SPCS2: variants seen among roughly 807,000 people sequenced by gnomAD.
The protein encoded by SPCS2 is SPase 25 kDa subunit.
A neutral mutation model predicts 22.3 loss-of-function variants in SPCS2; 3 were observed. That is an observed-to-expected ratio of 0.13 (90% confidence interval 0.06 to 0.35). SPCS2 has a LOEUF of 0.35. Among genes scored for constraint, SPCS2 ranks in the 10% least tolerant of loss-of-function variants. The pLI, the probability that SPCS2 is intolerant of heterozygous loss-of-function variation, is 1.00. For missense variants in SPCS2, 169 were observed against 280.9 expected (o/e 0.60, Z 2.85); for synonymous variants, 67 against 97.2 (o/e 0.69, Z 1.83).
chr11:74,965,938 T>A lies in SPCS2; in HGVS notation c.359+15T>A. The stretch of plus-strand genomic sequence containing the variant: ...TGTGTCATATCATATCCTTTATTTA[T>A]GCTCAGGTTGTTTTCTAGTGACTAT... On this transcript the variant is annotated intron_variant, in intron 3 of 4. Coordinates refer to ENST00000263672, the MANE Select transcript of SPCS2 (RefSeq NM_014752.3). 1 of 1,584,406 alleles carries A rather than the reference T, an allele frequency of 6.3e-7. No individual in the cohort carries two copies. The highest frequency in any genetic ancestry group is 8.6e-7 in the Non-Finnish European group (1 of 1,168,010).
At chr11:74,968,590 A>G (rs746753536) in intron 3 of SPCS2, among the ~76,000 whole-genome samples, 13 of 147,992 alleles carry the variant, frequency 8.8e-5, no homozygotes, top group Non-Finnish European at 1.5e-4. Flanking sequence ...ATCTCGGCTC[A>G]CTGCAACCCT....
intron 3 of SPCS2, 32 bp downstream of exon 3, chr11:74,965,955 A>G (rs375164318): frequency 6.4e-7 from 1 of 1,565,922 alleles, no homozygotes; most frequent in South Asian, 1.2e-5. Context: ...GTTGTTTTCT[A>G]GTGACTATTT....
At chr11:74,950,562 T>G (rs1948399827) in intron 1 of SPCS2, among the ~76,000 whole-genome samples, 1 of 152,316 alleles carries the variant, frequency 6.6e-6, no homozygotes, top group South Asian at 2.1e-4. Context: ...CTCACACTCT[T>G]CTCTTGTGAG....
chr11:74,953,181 G>A (rs1948456333), intron 1 of SPCS2, among the ~76,000 whole-genome samples: 1 of 151,784 alleles, frequency 6.6e-6, no homozygotes, highest in Admixed American at 6.6e-5. Context: ...AGAGGCTTTT[G>A]CTGTGTGGGA....
At chr11:74,959,766 G>C (rs549322690) in intron 1 of SPCS2, among the ~76,000 whole-genome samples, 121 of 152,272 alleles carry the variant, frequency 7.9e-4, no homozygotes, top group African/African-American at 2.7e-3. Flanking sequence ...CATGGGAACA[G>C]AAGGCTGTAT....
intron 1 of SPCS2, among the ~76,000 whole-genome samples, chr11:74,960,959 T>G (rs1948510148): frequency 6.6e-6 from 1 of 152,138 alleles, no homozygotes; most frequent in East Asian, 1.9e-4. Flanking sequence ...ATGTTTACAT[T>G]TGCTAAATTT....
intron 4 of SPCS2, among the ~76,000 whole-genome samples, chr11:74,971,830 A>G (rs1948586544): frequency 6.6e-6 from 1 of 152,196 alleles, no homozygotes; most frequent in South Asian, 2.1e-4. Context: ...TCCCCTAGTG[A>G]CATCTCCAGC....
In SPCS2 at chr11:74,965,786, T is replaced by C; in HGVS notation, c.222T>C (p.Tyr74=). 1 of 1,612,886 alleles carries C rather than the reference T, an allele frequency of 6.2e-7. No individual in the cohort carries two copies. Among genetic ancestry groups the C allele is most frequent in the Non-Finnish European group, 8.5e-7 (1 of 1,179,204 alleles). The stretch of plus-strand genomic sequence containing the variant: ...AGGTACTTCTGGAAAAATACAAATA[T>C]GTGGAGAATTTTGGTCTAATTGATG... The part of the protein sequence containing the change: ...AKKVLLEKYK[Y]VENFGLIDGR... Residue 74 remains tyrosine (Y), a synonymous_variant, in exon 3 of 5, where the codon TAT becomes TAC. Coordinates refer to ENST00000263672, the MANE Select transcript of SPCS2 (RefSeq NM_014752.3).
At chr11:74,975,484 A>G (rs1175339514) in intron 4 of SPCS2, among the ~76,000 whole-genome samples, 3 of 152,218 alleles carry the variant, frequency 2.0e-5, no homozygotes, top group Non-Finnish European at 2.9e-5. Context: ...TAGGCTCAGT[A>G]AATATCTGAA....
chr11:74,970,485 A>G (rs572907079), intron 4 of SPCS2, among the ~76,000 whole-genome samples: 10 of 152,356 alleles, frequency 6.6e-5, no homozygotes, highest in Admixed American at 5.9e-4. Flanking sequence ...TTCCAGCCCA[A>G]GTTTGAAACC....
chr11:74,976,705 T>C (rs1205299245), intron 4 of SPCS2, among the ~76,000 whole-genome samples, 152 bp from the exon 5 acceptor site: 1 of 152,164 alleles, frequency 6.6e-6, no homozygotes, highest in African/African-American at 2.4e-5. Context: ...CCCTGGGGTT[T>C]TGTTTTTGCT....
chr11:74,950,128 C>T (rs893267273), intron 1 of SPCS2, among the ~76,000 whole-genome samples: 3 of 152,156 alleles, frequency 2.0e-5, no homozygotes, highest in Admixed American at 2.0e-4. Context: ...AAAACTGTCC[C>T]TGGGTTGGCC....
At chr11:74,969,788 A>T (rs766222363) in intron 4 of SPCS2, 89 bp downstream of exon 4, 13 of 1,434,520 alleles carry the variant, frequency 9.1e-6, no homozygotes, top group Non-Finnish European at 1.1e-5. Flanking sequence ...TTATGTGCCT[A>T]CTCTATGTGG....
chr11:74,969,904 G>T (rs1948573604), intron 4 of SPCS2, among the ~76,000 whole-genome samples: 2 of 152,184 alleles, frequency 1.3e-5, no homozygotes, highest in African/African-American at 4.8e-5. Context: ...ATGCTCTGAG[G>T]ATAAACTGTG....
At chr11:74,969,032 T>C (rs1948563542) in intron 3 of SPCS2, among the ~76,000 whole-genome samples, 1 of 152,196 alleles carries the variant, frequency 6.6e-6, no homozygotes, top group East Asian at 1.9e-4. Context: ...TGGCAAACTA[T>C]AAGTGCTTAT....
At chr11:74,975,961 A>G (rs1229228941) in intron 4 of SPCS2, among the ~76,000 whole-genome samples, 1 of 152,214 alleles carries the variant, frequency 6.6e-6, no homozygotes, top group Admixed American at 6.5e-5. Context: ...TCTTGAATGA[A>G]TGGACATAGT....
At chr11:74,974,966 T>C (rs1948606911) in intron 4 of SPCS2, among the ~76,000 whole-genome samples, 1 of 152,136 alleles carries the variant, frequency 6.6e-6, no homozygotes, top group East Asian at 1.9e-4. Flanking sequence ...ACCCATAGTC[T>C]ATTCCCAGGA....
chr11:74,965,144 G>T, intron 2 of SPCS2, 27 bp downstream of exon 2: 1 of 1,464,234 alleles, frequency 6.8e-7, no homozygotes, highest in Non-Finnish European at 9.4e-7. Context: ...GGGTTGGTTA[G>T]TATCTATACA....
At chr11:74,963,109 A>G (rs188343258) in intron 1 of SPCS2, among the ~76,000 whole-genome samples, 1 of 152,328 alleles carries the variant, frequency 6.6e-6, no homozygotes, top group Non-Finnish European at 1.5e-5. Context: ...TGGCTCTACA[A>G]GTTGGTTCTT....
Sources: allele counts gnomAD v4.1 joint callset (sites outside exome capture counted in the v4.1 genomes callset), GRCh38; gene constraint gnomAD v4.1.1; transcripts MANE v1.5; gene names NCBI Gene and HGNC (gene_info 2026-07-23, HGNC 2026-07-21).